GRM8: variants seen among roughly 807,000 people sequenced by gnomAD.
GRM8 encodes glutamate metabotropic receptor 8.
In GRM8, 47 loss-of-function variants were observed where a neutral mutation model predicts 87.2. That is an observed-to-expected ratio of 0.54 (90% confidence interval 0.43 to 0.69). The LOEUF (loss-of-function observed/expected upper bound fraction) is 0.69. Ranked by LOEUF, GRM8 falls within the 30% of genes least tolerant of loss-of-function variation. The pLI is 0.00. For synonymous variants in GRM8, 396 were observed against 404.5 expected, an observed-to-expected ratio of 0.98 and a Z score of 0.25; for missense variants, 1,019 against 1,139.2, an observed-to-expected ratio of 0.89 and a Z score of 1.52.
intron 2 of GRM8, among the ~76,000 whole-genome samples, chr7:127,165,263 T>A (rs1304147309): frequency 6.8e-6 from 1 of 147,428 alleles, no homozygotes; most frequent in East Asian, 2.0e-4. Flanking sequence ...AATATGATTT[T>A]TGGTACAGTG....
chr7:127,224,474 T>A (rs62468891), intron 2 of GRM8, among the ~76,000 whole-genome samples: 9,780 of 152,226 alleles, frequency 0.064, 434 homozygotes, highest in Non-Finnish European at 0.092. Context: ...AGGGATGACA[T>A]TCTCAGATGA....
chr7:126,938,627 G>C (rs1400498925), intron 3 of GRM8, among the ~76,000 whole-genome samples: 1 of 152,000 alleles, frequency 6.6e-6, no homozygotes, highest in East Asian at 1.9e-4. Context: ...AAATCCATTT[G>C]AATAAGTAAA....
At chr7:126,458,107 A>G (rs1563027509) in intron 9 of GRM8, among the ~76,000 whole-genome samples, 1 of 151,082 alleles carries the variant, frequency 6.6e-6, no homozygotes, top group Non-Finnish European at 1.5e-5. Context: ...TGAACTATCA[A>G]ATGAAAAAAA....
intron 7 of GRM8, among the ~76,000 whole-genome samples, chr7:126,705,101 C>T (rs1237560720): frequency 2.6e-5 from 4 of 152,116 alleles, no homozygotes; most frequent in Admixed American, 2.0e-4. Context: ...TACTCTGTCC[C>T]TTTATTTCTC....
At chr7:126,750,079 A>C (rs1453185834) in intron 7 of GRM8, among the ~76,000 whole-genome samples, 1 of 152,150 alleles carries the variant, frequency 6.6e-6, no homozygotes, top group African/African-American at 2.4e-5. Flanking sequence ...GGAAAACTGG[A>C]AACAATCCAA....
chr7:126,890,874 C>T (rs1252942099), intron 6 of GRM8, among the ~76,000 whole-genome samples: 1 of 151,982 alleles, frequency 6.6e-6, no homozygotes, highest in Non-Finnish European at 1.5e-5. Context: ...AGGCCCTCTG[C>T]AATTTCCACT....
At chr7:126,698,234 C>G (rs1043054724) in intron 7 of GRM8, among the ~76,000 whole-genome samples, 4 of 152,118 alleles carry the variant, frequency 2.6e-5, no homozygotes, top group African/African-American at 9.6e-5. Flanking sequence ...AAGAGTTGTT[C>G]TTCTTCTACA....
chr7:126,788,420 A>ACAAAAAACAAAAAACAAAAAACAAAAAAC lies in GRM8; in HGVS notation c.1157-18356_1157-18355insGTTTTTTGTTTTTTGTTTTTTGTTTTTTG, dbSNP rs1554492200. Among the ~76,000 whole-genome samples the ACAAAAAACAAAAAACAAAAAACAAAAAAC allele has an allele frequency of 2.1e-4, 17 of 81,134 alleles. 4 individuals are homozygous for ACAAAAAACAAAAAACAAAAAACAAAAAAC. Among genetic ancestry groups the ACAAAAAACAAAAAACAAAAAACAAAAAAC allele is most frequent in the African/African-American group, 7.3e-4 (16 of 21,824 alleles). 53.2% of individuals were successfully genotyped at this position (81,134 alleles called of 152,430 possible). On this transcript the variant is annotated intron_variant, in intron 6 of 10. Transcript: ENST00000339582. ...GCAAGACTCCATCTCAAAAAAAAAA[A>ACAAAAAACAAAAAACAAAAAACAAAAAAC]AAACCCTTTCAGATATCTTTAACAT...
At chr7:126,920,389 G>A (rs1037372648) in intron 3 of GRM8, among the ~76,000 whole-genome samples, 1 of 152,102 alleles carries the variant, frequency 6.6e-6, no homozygotes, top group Non-Finnish European at 1.5e-5. Context: ...AAAAAAAGAG[G>A]GGAAAAGAGG....
At position 126,962,055 on chromosome 7, in the gene GRM8, A is replaced by G. The variant is rs908869961; in HGVS notation, c.728-57372T>C. Among the ~76,000 whole-genome samples, 7 of 152,240 alleles carry G rather than the reference A, an allele frequency of 4.6e-5. No homozygotes were observed. In the South Asian group the frequency reaches 6.2e-4, roughly 13 times the overall value. ...TCCTTCCAAACCCTGGGACCAGAAAAATAATATTGTTCATATATACAATGT... is the reference window on the plus strand; with the variant it reads ...TCCTTCCAAACCCTGGGACCAGAAAGATAATATTGTTCATATATACAATGT... On this transcript the variant is annotated intron_variant, in intron 3 of 10. Transcript: ENST00000339582.
chr7:127,123,807 G>A (rs547852008), intron 2 of GRM8, among the ~76,000 whole-genome samples: 1 of 152,168 alleles, frequency 6.6e-6, no homozygotes, highest in Admixed American at 6.6e-5. Context: ...TTCCCCATAA[G>A]AAATAGAAGC....
chr7:126,777,760 A>G (rs1481348687), intron 6 of GRM8, among the ~76,000 whole-genome samples: 1 of 152,184 alleles, frequency 6.6e-6, no homozygotes, highest in African/African-American at 2.4e-5. Flanking sequence ...AAAAGTTTCT[A>G]TAACATTTTA....
At chr7:126,478,983 T>C (rs574574715) in intron 9 of GRM8, among the ~76,000 whole-genome samples, 2 of 152,044 alleles carry the variant, frequency 1.3e-5, no homozygotes, top group Non-Finnish European at 2.9e-5. Flanking sequence ...TAGGTGGTAA[T>C]GGGCTAGATA....
At chr7:126,675,165 G>A (rs1219709456) in intron 7 of GRM8, among the ~76,000 whole-genome samples, 1 of 152,004 alleles carries the variant, frequency 6.6e-6, no homozygotes, top group Non-Finnish European at 1.5e-5. Flanking sequence ...CCAAACATTA[G>A]CAACATTTAG....
intron 6 of GRM8, among the ~76,000 whole-genome samples, chr7:126,838,649 C>A (rs1796010067): frequency 6.6e-6 from 1 of 152,166 alleles, no homozygotes; most frequent in African/African-American, 2.4e-5. Context: ...CCTTTTAATT[C>A]TCTGCTTTCT....
chr7:127,010,093 T>A (rs965659337), intron 3 of GRM8, among the ~76,000 whole-genome samples: 7 of 152,162 alleles, frequency 4.6e-5, no homozygotes, highest in Non-Finnish European at 8.8e-5. Flanking sequence ...TCCGACTGCC[T>A]CAGCCTCCCA....
chr7:126,583,394 A>T (rs1795803419), intron 8 of GRM8, among the ~76,000 whole-genome samples: 2 of 152,094 alleles, frequency 1.3e-5, no homozygotes. Flanking sequence ...TAAAAAAATA[A>T]GAAAGAAAAG....
In GRM8 at chr7:126,537,980, A is replaced by T. The variant is rs1169352926; in HGVS notation, c.1495-4093T>A. ...ATTTGCCTTCCTCACCTTTGGTATT[A>T]TTCTGTTATTAAGACGTTTTCAGTC... On this transcript the variant is annotated intron_variant, in intron 8 of 10. Coordinates refer to ENST00000339582, the MANE Select transcript of GRM8 (RefSeq NM_000845.3). Among the ~76,000 whole-genome samples, 11 of 152,184 alleles carry T rather than the reference A, an allele frequency of 7.2e-5. No homozygotes were observed. The South Asian group carries it at 8.3e-4, about 11-fold the overall frequency.
chr7:126,695,435 C>T (rs1156731341), intron 7 of GRM8, among the ~76,000 whole-genome samples: 1 of 152,070 alleles, frequency 6.6e-6, no homozygotes, highest in Non-Finnish European at 1.5e-5. Flanking sequence ...TACTGAATTA[C>T]AAGGAGTAGA....
Sources: allele counts gnomAD v4.1 joint callset (sites outside exome capture counted in the v4.1 genomes callset), GRCh38; gene constraint gnomAD v4.1.1; transcripts MANE v1.5; gene names NCBI Gene and HGNC (gene_info 2026-07-23, HGNC 2026-07-21).